The following IFT81 variants were observed in gnomAD, a reference collection of about 807,000 sequenced individuals.
IFT81 encodes the protein intraflagellar transport 81, also known as intraflagellar transport protein 81 homolog.
IFT81 carries 72 observed loss-of-function variants against 102.6 expected under a neutral mutation model. The ratio of observed to expected loss-of-function variants is 0.70; its 90% CI spans 0.58 to 0.85. The LOEUF is 0.85. Ranked by LOEUF, IFT81 falls within the 40% of genes least tolerant of loss-of-function variation. The pLI, the probability that IFT81 is intolerant of heterozygous loss-of-function variation, is 0.00. For missense variants in IFT81, 723 were observed against 787.3 expected (o/e 0.92, Z 0.98); for synonymous variants, 237 against 242.7 (o/e 0.98, Z 0.22).
Position 110,144,039 on chromosome 12 carries a change from T to G in IFT81, c.945+494T>G, listed in dbSNP as rs1485578470. 4.8e-5 allele frequency among the ~76,000 whole-genome samples: 7 copies of G among 146,458 alleles called. No individual in the cohort carries two copies. The Admixed American group carries it at 4.9e-4, about 10-fold the overall frequency. On this transcript the variant is annotated intron_variant, in intron 9 of 18. Transcript: ENST00000242591. ...TTTTTTTTTTTTTTTGAGACAGTACTTGCTCTGTTGCCCAGGCTAGAGTAC... is the reference window on the plus strand; with the variant it reads ...TTTTTTTTTTTTTTTGAGACAGTACGTGCTCTGTTGCCCAGGCTAGAGTAC...
chr12:110,161,876 G>A (rs569016460), intron 10 of IFT81, among the ~76,000 whole-genome samples: 4 of 151,976 alleles, frequency 2.6e-5, no homozygotes, highest in Non-Finnish European at 4.4e-5. Context: ...TAGAGATTTC[G>A]CTCTCCTGTC....
Position 110,180,546 on chromosome 12 carries a change from G to T in IFT81, c.1313G>T (p.Arg438Leu). 1 of 1,604,622 alleles carries T rather than the reference G, an allele frequency of 6.2e-7. No individual in the cohort carries two copies. The highest frequency in any genetic ancestry group is 8.5e-7 in the Non-Finnish European group (1 of 1,173,382). The change falls in exon 12 of 19, where the codon CGT (arginine) becomes CTT (leucine). Residue 438 changes from arginine to leucine, a missense_variant. By Grantham distance (102) the Arg-to-Leu change is moderately radical. Transcript: ENST00000242591. Reference protein sequence around the residue: ...LQRTEELLKQRHENIQQQLQT... With the variant: ...LQRTEELLKQLHENIQQQLQT... ...AGGACTGAAGAACTTCTTAAGCAAC[G>T]TCATGAAAATATTCAACAACAACTG...
chr12:110,133,908 G>A (rs1894328803), intron 5 of IFT81, among the ~76,000 whole-genome samples: 1 of 152,186 alleles, frequency 6.6e-6, no homozygotes, highest in Admixed American at 6.5e-5. Flanking sequence ...TTGCATTAAT[G>A]AGAATCTTTA....
chr12:110,153,735 C>T (rs182680430), intron 10 of IFT81, among the ~76,000 whole-genome samples: 1 of 150,578 alleles, frequency 6.6e-6, no homozygotes, highest in East Asian at 2.0e-4. Context: ...CTCAGCCTCC[C>T]GAGTAGCTGG....
intron 8 of IFT81, among the ~76,000 whole-genome samples, chr12:110,137,554 T>C (rs1246500545): frequency 6.6e-6 from 1 of 151,966 alleles, no homozygotes; most frequent in East Asian, 1.9e-4. Flanking sequence ...GCCAACATGG[T>C]GAAACCCTGT....
chr12:110,205,758 A>G, intron 17 of IFT81, 78 bp downstream of exon 17: 2 of 901,770 alleles, frequency 2.2e-6, no homozygotes, highest in South Asian at 3.8e-5. Flanking sequence ...ATAGAATTAT[A>G]CAAATTTAGC....
chr12:110,194,961 C>G (rs1326161712), intron 14 of IFT81, among the ~76,000 whole-genome samples: 1 of 152,086 alleles, frequency 6.6e-6, no homozygotes, highest in African/African-American at 2.4e-5. Flanking sequence ...GGTTGCTGTA[C>G]TTTTTTTGTC....
At chr12:110,189,749 A>G (rs985259467) in intron 12 of IFT81, among the ~76,000 whole-genome samples, 2 of 152,166 alleles carry the variant, frequency 1.3e-5, no homozygotes, top group African/African-American at 4.8e-5. Context: ...TCTGATCTGC[A>G]CCACCTCCTT....
At chr12:110,148,856 ATGCTTTG>A (rs1257764754) in intron 10 of IFT81, among the ~76,000 whole-genome samples, 3 of 152,304 alleles carry the variant, frequency 2.0e-5, no homozygotes, top group Admixed American at 6.5e-5. Context: ...GGCAGGGTAC[ATGCTTTG>A]TTTTTATCAT....
At chr12:110,192,149 C>T (rs1593357751) in intron 13 of IFT81, among the ~76,000 whole-genome samples, 1 of 148,202 alleles carries the variant, frequency 6.7e-6, no homozygotes, top group East Asian at 2.0e-4. Flanking sequence ...TCAGCCTGGG[C>T]AACCAAGCAA....
chr12:110,206,963 A>G (rs751660150), intron 17 of IFT81, among the ~76,000 whole-genome samples: 1 of 152,118 alleles, frequency 6.6e-6, no homozygotes, highest in East Asian at 1.9e-4. Context: ...TTCCAAAGTT[A>G]TCGATATAAA....
intron 9 of IFT81, among the ~76,000 whole-genome samples, chr12:110,145,076 A>G (rs1895138307): frequency 7.4e-6 from 1 of 135,590 alleles, no homozygotes. Flanking sequence ...ACTGTCACCT[A>G]GGCTGGAGTT....
Position 110,129,102 on chromosome 12 carries a change from A to G in IFT81, c.401A>G (p.Asp134Gly), listed in dbSNP as rs34684319. 0.021 allele frequency: 32,951 copies of G among 1,601,464 alleles called. 505 individuals carry two copies. The highest frequency in any genetic ancestry group is 0.051 in the South Asian group (4,485 of 88,458). ...KLEVPSEFLQ[D>G]ETVADTNKQY... The stretch of plus-strand genomic sequence containing the variant: ...GAGGTACCAAGTGAGTTTCTTCAGG[A>G]TGAAACTGTGGCTGACACCAATAAA... Residue 134 changes from aspartate to glycine, a missense_variant, in exon 4 of 19, where the codon GAT becomes GGT. Asp to Gly is a moderately conservative substitution (Grantham distance 94, BLOSUM62 -1). Coordinates refer to ENST00000242591, the MANE Select transcript of IFT81 (RefSeq NM_014055.4).
At chr12:110,151,429 G>A (rs750424170) in intron 10 of IFT81, among the ~76,000 whole-genome samples, 1 of 152,038 alleles carries the variant, frequency 6.6e-6, no homozygotes, top group Non-Finnish European at 1.5e-5. Context: ...CCATTCATTG[G>A]TTGATGGACA....
intron 10 of IFT81, among the ~76,000 whole-genome samples, chr12:110,161,655 T>C (rs1207682694): frequency 6.6e-6 from 1 of 151,930 alleles, no homozygotes; most frequent in East Asian, 1.9e-4. Flanking sequence ...GATCTCACTA[T>C]GTTGCCTAGG....
Position 110,179,773 on chromosome 12 carries a change from T to TACATAC in IFT81, c.1189-646_1189-645insTACACA, listed in dbSNP as rs1555266292. Among the ~76,000 whole-genome samples the TACATAC allele has an allele frequency of 7.9e-5, 4 of 50,486 alleles. No individual in the cohort carries two copies. The South Asian group carries it at 2.6e-3, about 33-fold the overall frequency. The allele number at this position is 50,486 out of a possible 152,430, so 33.1% of individuals were successfully genotyped here. On this transcript the variant is annotated intron_variant, in intron 11 of 18. Transcript: ENST00000242591. ...ATATATATATATATATATATATATA[T>TACATAC]ACACACACACACACACACACACACA...
At chr12:110,198,231 G>C (rs1898101001) in intron 14 of IFT81, among the ~76,000 whole-genome samples, 2 of 150,516 alleles carry the variant, frequency 1.3e-5, no homozygotes, top group South Asian at 4.2e-4. Context: ...TGTGTGTTTA[G>C]TGTTCGCAGT....
intron 18 of IFT81, among the ~76,000 whole-genome samples, chr12:110,214,131 C>T (rs367933364): frequency 3.3e-5 from 5 of 152,006 alleles, no homozygotes; most frequent in East Asian, 3.8e-4. Flanking sequence ...TGGGATGACA[C>T]ACCATACTTA....
At chr12:110,178,760 C>A in intron 11 of IFT81, among the ~76,000 whole-genome samples, 1 of 1,856 alleles carries the variant, frequency 5.4e-4, no homozygotes, top group African/African-American at 1.9e-3. Context: ...GGACTACAGG[C>A]ACATGCCACT....
Sources: allele counts gnomAD v4.1 joint callset (sites outside exome capture counted in the v4.1 genomes callset), GRCh38; gene constraint gnomAD v4.1.1; transcripts MANE v1.5; gene names NCBI Gene and HGNC (gene_info 2026-07-23, HGNC 2026-07-21).